Variants in LIMCH1 observed in about 807,000 individuals in gnomAD.
LIMCH1 encodes the protein LIM and calponin homology domains-containing protein 1.
A neutral mutation model predicts 176.5 loss-of-function variants in LIMCH1; 113 were observed. That is an observed-to-expected ratio of 0.64 (90% confidence interval 0.55 to 0.75). LIMCH1 has a LOEUF of 0.75. LIMCH1 is among the 30% of genes least tolerant of loss of function. LIMCH1 has a pLI of 0.00. For missense variants in LIMCH1, 1,674 were observed against 1,814.9 expected (o/e 0.92, Z 1.41); for synonymous variants, 619 against 645.9 (o/e 0.96, Z 0.63).
At chr4:41,419,840 T>C (rs1206863623) in intron 1 of LIMCH1, among the ~76,000 whole-genome samples, 1 of 149,170 alleles carries the variant, frequency 6.7e-6, no homozygotes, top group Non-Finnish European at 1.5e-5. Context: ...CCTCTCTTCC[T>C]CCCTCCCTCC....
chr4:41,396,728 C>G (rs1260063684), intron 1 of LIMCH1, among the ~76,000 whole-genome samples: 1 of 151,958 alleles, frequency 6.6e-6, no homozygotes, highest in Non-Finnish European at 1.5e-5. Flanking sequence ...TGGTGAAACC[C>G]TGTCCCTACT....
chr4:41,651,266 A>G (rs2094286841), intron 18 of LIMCH1, among the ~76,000 whole-genome samples: 1 of 151,774 alleles, frequency 6.6e-6, no homozygotes, highest in East Asian at 1.9e-4. Context: ...CAGCCTCCCA[A>G]AAGTGCTGGG....
At chr4:41,655,772 T>A (rs549182615) in intron 18 of LIMCH1, among the ~76,000 whole-genome samples, 1 of 151,856 alleles carries the variant, frequency 6.6e-6, no homozygotes, top group East Asian at 1.9e-4. Flanking sequence ...CAAGGGATAC[T>A]CTCACCTCTT....
intron 1 of LIMCH1, among the ~76,000 whole-genome samples, chr4:41,539,079 A>T (rs1364776464): frequency 1.3e-5 from 2 of 152,174 alleles, no homozygotes; most frequent in Non-Finnish European, 2.9e-5. Flanking sequence ...TCCTTAGCCA[A>T]ATTTATGAGG....
chr4:41,382,764 G>A (rs1464269031), intron 1 of LIMCH1, among the ~76,000 whole-genome samples: 1 of 152,104 alleles, frequency 6.6e-6, no homozygotes, highest in African/African-American at 2.4e-5. Context: ...AGTCTTCCAC[G>A]TCTCGTGAAG....
At chr4:41,555,269 CT>C (rs1446457389) in intron 1 of LIMCH1, among the ~76,000 whole-genome samples, 1 of 152,178 alleles carries the variant, frequency 6.6e-6, no homozygotes, top group East Asian at 1.9e-4. Context: ...CATCTTTCCC[CT>C]GTGCCACTTG....
chr4:41,589,979 TC>T (rs1168838031), intron 1 of LIMCH1, among the ~76,000 whole-genome samples: 1 of 152,204 alleles, frequency 6.6e-6, no homozygotes, highest in Non-Finnish European at 1.5e-5. Flanking sequence ...TGAAATCCCA[TC>T]TTTCCCCTCG....
chr4:41,596,688 G>A (rs1323012833), intron 1 of LIMCH1, among the ~76,000 whole-genome samples: 1 of 151,966 alleles, frequency 6.6e-6, no homozygotes, highest in Non-Finnish European at 1.5e-5. Context: ...AACATATATG[G>A]CCAAGAAAGT....
At chr4:41,401,463 C>T (rs1458880952) in intron 1 of LIMCH1, among the ~76,000 whole-genome samples, 5 of 152,146 alleles carry the variant, frequency 3.3e-5, no homozygotes, top group Non-Finnish European at 7.3e-5. Flanking sequence ...AGTCAGGTAG[C>T]ATGATGCCTC....
At chr4:41,472,733 A>C (rs2067160901) in intron 1 of LIMCH1, among the ~76,000 whole-genome samples, 1 of 152,134 alleles carries the variant, frequency 6.6e-6, no homozygotes, top group African/African-American at 2.4e-5. Context: ...CCCATTGGAT[A>C]ATTTTCCTGC....
chr4:41,522,259 C>G (rs1583454314), intron 2 of LIMCH1, among the ~76,000 whole-genome samples: 1 of 152,054 alleles, frequency 6.6e-6, no homozygotes, highest in African/African-American at 2.4e-5. Context: ...TGAGGGGTCT[C>G]CAAGGTAAAT....
At chr4:41,506,620 A>C (rs1171225560) in intron 2 of LIMCH1, among the ~76,000 whole-genome samples, 2 of 152,230 alleles carry the variant, frequency 1.3e-5, no homozygotes, top group East Asian at 3.8e-4. Flanking sequence ...TCCAAGATTT[A>C]ATAAGAGGTT....
intron 1 of LIMCH1, among the ~76,000 whole-genome samples, chr4:41,482,443 G>A (rs1046001059): frequency 3.3e-5 from 5 of 152,198 alleles, no homozygotes; most frequent in Non-Finnish European, 5.9e-5. Flanking sequence ...AGTATTTATG[G>A]AGAAAGGAGA....
chr4:41,674,430 A>G (rs745791979), intron 22 of LIMCH1, among the ~76,000 whole-genome samples: 21 of 152,342 alleles, frequency 1.4e-4, no homozygotes, highest in Admixed American at 6.5e-5. Context: ...AAGTTCTGGA[A>G]CAATGACAGG....
upstream of LIMCH1, among the ~76,000 whole-genome samples, chr4:41,360,364 G>T (rs908280650): frequency 6.6e-6 from 1 of 151,816 alleles, no homozygotes; most frequent in Non-Finnish European, 1.5e-5. The surrounding 1 kb of genome is among the most constrained non-coding windows in gnomAD (Gnocchi z 4.5). Context: ...CCCGGGCCCG[G>T]GTGCGCCCCA....
chr4:41,570,077 C>T (rs112374535), intron 1 of LIMCH1, among the ~76,000 whole-genome samples: 3,801 of 152,240 alleles, frequency 0.025, 173 homozygotes, highest in African/African-American at 0.087. Context: ...CAGGTCCCAG[C>T]GTGGGATATT....
At chr4:41,560,446 T>C (rs568504887) in intron 1 of LIMCH1, among the ~76,000 whole-genome samples, 2 of 152,308 alleles carry the variant, frequency 1.3e-5, no homozygotes, top group South Asian at 4.1e-4. Flanking sequence ...AAAGCAGCAC[T>C]CTGTTAATGG....
chr4:41,513,069 A>G (rs2075124526), intron 2 of LIMCH1, among the ~76,000 whole-genome samples: 1 of 152,364 alleles, frequency 6.6e-6, no homozygotes, highest in African/African-American at 2.4e-5. Context: ...TTAGAACATC[A>G]TTGAAGAGAA....
chr4:41,408,569 C>T (rs2059196206), intron 1 of LIMCH1, among the ~76,000 whole-genome samples: 1 of 152,146 alleles, frequency 6.6e-6, no homozygotes, highest in Non-Finnish European at 1.5e-5. Context: ...GTAAAAATGT[C>T]AGGTTTTCCA....
Sources: gnomAD v4.1 joint callset for allele counts (sites outside exome capture counted in the v4.1 genomes callset) on GRCh38, gnomAD v4.1.1 for gene constraint, Gnocchi (gnomAD v3.1) non-coding constraint, MANE v1.5 for transcripts, NCBI Gene and HGNC (gene_info 2026-07-23, HGNC 2026-07-21) for gene names.